Variants in USH2A observed in about 807,000 individuals in gnomAD.
USH2A encodes the protein usherin, also known as Usher syndrome 2A (autosomal recessive, mild).
USH2A carries 443 observed loss-of-function variants against 538.9 expected under a neutral mutation model. The ratio of observed to expected loss-of-function variants is 0.82; its 90% CI spans 0.76 to 0.89. USH2A has a LOEUF of 0.89. Ranked by LOEUF, USH2A falls within the 40% of genes least tolerant of loss-of-function variation. USH2A has a pLI of 0.00. For synonymous variants in USH2A, 2,413 were observed against 2,273.5 expected, an observed-to-expected ratio of 1.06 and a Z score of -1.75; for missense variants, 6,633 against 6,324.8, an observed-to-expected ratio of 1.05 and a Z score of -1.65.
chr1:215,718,963 A>G (rs907596496), intron 61 of USH2A, among the ~76,000 whole-genome samples: 4 of 152,238 alleles, frequency 2.6e-5, no homozygotes, highest in Non-Finnish European at 4.4e-5. Flanking sequence ...AGGTGTCTAA[A>G]GAGGGTTTCC....
At chr1:215,910,844 C>T (rs536632643) in intron 38 of USH2A, among the ~76,000 whole-genome samples, 9 of 151,884 alleles carry the variant, frequency 5.9e-5, no homozygotes, top group African/African-American at 2.2e-4. Context: ...TTTTCTTACC[C>T]ATCCTTGATG....
chr1:215,940,045 C>T (rs921987877), intron 37 of USH2A, among the ~76,000 whole-genome samples: 3 of 152,080 alleles, frequency 2.0e-5, no homozygotes, highest in Non-Finnish European at 2.9e-5. Flanking sequence ...TGAATCCATT[C>T]TCATGACAAA....
chr1:215,727,935 C>G (rs1001683814), intron 61 of USH2A, 95 bp downstream of exon 61: 17 of 1,410,874 alleles, frequency 1.2e-5, no homozygotes, highest in Non-Finnish European at 1.7e-5. Flanking sequence ...TATTTAAGCC[C>G]TAAGTGAAGA....
intron 61 of USH2A, among the ~76,000 whole-genome samples, chr1:215,692,994 C>G (rs985696696): frequency 4.6e-5 from 7 of 151,332 alleles, no homozygotes; most frequent in Admixed American, 1.3e-4. Flanking sequence ...ACCTCTGTCT[C>G]CAAGACTCAA....
intron 61 of USH2A, among the ~76,000 whole-genome samples, chr1:215,682,754 T>TA (rs1553253117): frequency 7.5e-4 from 11 of 14,588 alleles, no homozygotes; most frequent in Non-Finnish European, 1.0e-3. Context: ...TACATGTATC[T>TA]AAAAAAAAAA....
chr1:216,334,210 A>T (rs913007157), intron 4 of USH2A, among the ~76,000 whole-genome samples: 1 of 152,060 alleles, frequency 6.6e-6, no homozygotes, highest in East Asian at 1.9e-4. Flanking sequence ...AAAAGAAAGC[A>T]GAGTGAACAA....
chr1:215,898,271 T>C (rs1665401999), intron 40 of USH2A, among the ~76,000 whole-genome samples: 2 of 152,242 alleles, frequency 1.3e-5, no homozygotes, highest in Non-Finnish European at 2.9e-5. Context: ...GAAGGGTTAA[T>C]ACCACTCACT....
chr1:216,379,350 A>T (rs1037623384), intron 3 of USH2A, among the ~76,000 whole-genome samples: 8 of 152,160 alleles, frequency 5.3e-5, no homozygotes, highest in African/African-American at 1.9e-4. Flanking sequence ...TTGAGTAAAA[A>T]GTTTTCATCA....
At chr1:215,877,233 C>T (rs987396122) in intron 43 of USH2A, among the ~76,000 whole-genome samples, 1 of 152,172 alleles carries the variant, frequency 6.6e-6, no homozygotes. Context: ...TCCCATGTAG[C>T]ACCCTTTTCT....
At chr1:216,349,317 T>C (rs2038233713) in intron 4 of USH2A, among the ~76,000 whole-genome samples, 1 of 152,036 alleles carries the variant, frequency 6.6e-6, no homozygotes, top group Admixed American at 6.6e-5. Context: ...AAGAGCTTTC[T>C]TTTAAAAAGG....
intron 43 of USH2A, among the ~76,000 whole-genome samples, chr1:215,873,593 G>C (rs1449439928): frequency 2.0e-5 from 3 of 151,910 alleles, no homozygotes; most frequent in Non-Finnish European, 4.4e-5. Context: ...TATTTTAGTA[G>C]ATTTAAAAAT....
chr1:215,860,273 A>G (rs1217608973), intron 44 of USH2A, among the ~76,000 whole-genome samples: 1 of 152,174 alleles, frequency 6.6e-6, no homozygotes, highest in Admixed American at 6.5e-5. Flanking sequence ...GACAATTATC[A>G]ATGTCAATTA....
At chr1:215,821,288 A>T (rs1347868035) in intron 47 of USH2A, among the ~76,000 whole-genome samples, 2 of 151,636 alleles carry the variant, frequency 1.3e-5, no homozygotes, top group Admixed American at 6.6e-5. Flanking sequence ...AAGCCATTTT[A>T]TCTGGGTGAC....
chr1:216,068,890 A>T (rs2031467956), intron 30 of USH2A, among the ~76,000 whole-genome samples: 1 of 152,200 alleles, frequency 6.6e-6, no homozygotes, highest in Non-Finnish European at 1.5e-5. Flanking sequence ...TTTGGTAGTA[A>T]GAAAGTAATA....
rs1210769448 is a variant in USH2A, at chr1:216,224,646, G to C, written c.2994-7096C>G. Among the ~76,000 whole-genome samples the C allele has an allele frequency of 1.3e-5, 2 of 152,032 alleles. 1 individual carries two copies. The highest frequency in any genetic ancestry group is 1.3e-4 in the Admixed American group (2 of 15,242). On this transcript the variant is annotated intron_variant, in intron 14 of 71. Transcript: ENST00000307340. ...TTTTGTTGTTGGTTGTGTAGTTTAG[G>C]GCCGAGGTCTATTTTATTTTATTTA...
At chr1:216,373,818 G>A (rs2038762679) in intron 3 of USH2A, among the ~76,000 whole-genome samples, 2 of 151,898 alleles carry the variant, frequency 1.3e-5, no homozygotes, top group Admixed American at 1.3e-4. Flanking sequence ...GTTTATTGCG[G>A]CCCTATTCAC....
At chr1:215,819,251 C>A (rs1053942978) in intron 47 of USH2A, among the ~76,000 whole-genome samples, 2 of 151,694 alleles carry the variant, frequency 1.3e-5, no homozygotes, top group Non-Finnish European at 3.0e-5. Flanking sequence ...TTTCAACTAT[C>A]CCTTTCATTT....
At chr1:215,872,469 T>G (rs1417396969) in intron 43 of USH2A, among the ~76,000 whole-genome samples, 1 of 152,202 alleles carries the variant, frequency 6.6e-6, no homozygotes, top group East Asian at 1.9e-4. Flanking sequence ...ACCAGAATTG[T>G]CAGACCTAAG....
intron 32 of USH2A, among the ~76,000 whole-genome samples, chr1:216,013,858 G>T (rs565237584): frequency 6.6e-6 from 1 of 152,008 alleles, no homozygotes; most frequent in Admixed American, 6.6e-5. Flanking sequence ...CTCTTCACAC[G>T]GACTCACATG....
Sources: gnomAD v4.1 joint callset for allele counts (sites outside exome capture counted in the v4.1 genomes callset) on GRCh38, gnomAD v4.1.1 for gene constraint, MANE v1.5 for transcripts, NCBI Gene and HGNC (gene_info 2026-07-23, HGNC 2026-07-21) for gene names.